Variants in OXCT1 observed in about 807,000 individuals in gnomAD.
The protein encoded by OXCT1 is 3-oxoacid CoA-transferase 1, also known as succinyl-CoA:3-ketoacid coenzyme A transferase 1, mitochondrial.
In OXCT1, 27 loss-of-function variants were observed where a neutral mutation model predicts 69.6. That is an observed-to-expected ratio of 0.39 (90% confidence interval 0.29 to 0.54). The LOEUF (loss-of-function observed/expected upper bound fraction) is 0.54, where lower values mean the gene tolerates loss of function less well. Ranked by LOEUF, OXCT1 falls within the 20% of genes least tolerant of loss-of-function variation. The pLI is 0.72. For synonymous variants in OXCT1, 202 were observed against 217.8 expected, an observed-to-expected ratio of 0.93 and a Z score of 0.64; for missense variants, 437 against 650.2, an observed-to-expected ratio of 0.67 and a Z score of 3.57.
At chr5:41,855,239 G>C (rs1749376581) in intron 3 of OXCT1, among the ~76,000 whole-genome samples, 1 of 152,158 alleles carries the variant, frequency 6.6e-6, no homozygotes, top group South Asian at 2.1e-4. Context: ...CAAAAGTAAG[G>C]CTAACGATTA....
intron 15 of OXCT1, among the ~76,000 whole-genome samples, chr5:41,747,372 C>T (rs547364797): frequency 2.3e-4 from 35 of 152,212 alleles, no homozygotes; most frequent in African/African-American, 7.5e-4. Flanking sequence ...ACTGCTCTTT[C>T]GAGGCTCACC....
Position 41,801,206 on chromosome 5 carries a change from T to C in OXCT1, c.1051-136A>G, listed in dbSNP as rs1045715317. On this transcript the variant is annotated intron_variant, in intron 10 of 16. Transcript: ENST00000196371. ...AGACTTGAGGTAAACTTTTGAAAAA[T>C]AATTCGGTTGTGTCCATGGCTCTGT... The C allele has an allele frequency of 5.6e-6, 4 of 719,910 alleles. No homozygotes were observed. In the African/African-American group the frequency reaches 7.1e-5, roughly 13 times the overall value. 44.6% of individuals were successfully genotyped at this position (719,910 alleles called of 1,614,324 possible).
intron 8 of OXCT1, among the ~76,000 whole-genome samples, chr5:41,807,036 AAGAC>A (rs1746714678): frequency 6.6e-6 from 1 of 152,062 alleles, no homozygotes; most frequent in Non-Finnish European, 1.5e-5. Flanking sequence ...TCTCCCCTCT[AAGAC>A]AGCCAGAAAA....
At chr5:41,750,135 G>GTTTTTTTTTTTTTTTTTTTT (rs11291155) in intron 14 of OXCT1, among the ~76,000 whole-genome samples, 3 of 73,914 alleles carry the variant, frequency 4.1e-5, no homozygotes, top group Non-Finnish European at 5.0e-5. Context: ...GTGTTTTTTG[G>GTTTTTTTTTTTTTTTTTTTT]TTTTTTTTTT....
At chr5:41,773,823 G>A (rs1011426051) in intron 13 of OXCT1, among the ~76,000 whole-genome samples, 2 of 151,996 alleles carry the variant, frequency 1.3e-5, no homozygotes, top group Non-Finnish European at 2.9e-5. Context: ...TTTCAGTAAC[G>A]TTGACCATTC....
intron 9 of OXCT1, among the ~76,000 whole-genome samples, chr5:41,804,625 G>C (rs1320213770): frequency 1.3e-5 from 2 of 152,046 alleles, no homozygotes; most frequent in African/African-American, 4.8e-5. Flanking sequence ...AGAACTGGAA[G>C]AGCAGCAACA....
At chr5:41,830,205 A>C (rs1748028634) in intron 7 of OXCT1, among the ~76,000 whole-genome samples, 1 of 152,238 alleles carries the variant, frequency 6.6e-6, no homozygotes. Flanking sequence ...TGTGTGAATG[A>C]TATCCATCAC....
chr5:41,834,403 C>T (rs1748249937), intron 7 of OXCT1, among the ~76,000 whole-genome samples: 1 of 142,204 alleles, frequency 7.0e-6, no homozygotes, highest in Admixed American at 7.4e-5. Flanking sequence ...CTGTTGTCTA[C>T]AAGAGACATG....
rs549808893 is a variant in OXCT1 at position 41,868,592 on chromosome 5, G to A, written c.78+1689C>T. 1.3e-4 allele frequency among the ~76,000 whole-genome samples: 19 copies of A among 151,594 alleles called. No homozygotes were observed. The East Asian group carries it at 3.1e-3, about 25-fold the overall frequency. ...CAAAAAATTAGCCGGGCGTAGTGGC[G>A]GGCGCCTGTAGTCCCAGCTACTTGG... On this transcript the variant is annotated intron_variant, in intron 1 of 16. Coordinates refer to ENST00000196371, the MANE Select transcript of OXCT1 (RefSeq NM_000436.4).
intron 7 of OXCT1, among the ~76,000 whole-genome samples, chr5:41,827,474 T>C (rs913697391): frequency 6.6e-6 from 1 of 152,342 alleles, no homozygotes; most frequent in South Asian, 2.1e-4. Flanking sequence ...GATGAGATAC[T>C]GTATGTGAAA....
At chr5:41,802,482 A>T (rs1450159541) in intron 10 of OXCT1, among the ~76,000 whole-genome samples, 1 of 152,118 alleles carries the variant, frequency 6.6e-6, no homozygotes, top group Non-Finnish European at 1.5e-5. Flanking sequence ...GAAGAAAAAA[A>T]TTTAACCTTT....
chr5:41,829,623 C>A (rs550296230), intron 7 of OXCT1, among the ~76,000 whole-genome samples: 2 of 152,216 alleles, frequency 1.3e-5, no homozygotes, highest in Non-Finnish European at 2.9e-5. Flanking sequence ...ATTTTTATCA[C>A]CAATAAACTA....
At chr5:41,841,587 A>T (rs1246119350) in intron 6 of OXCT1, among the ~76,000 whole-genome samples, 1 of 152,252 alleles carries the variant, frequency 6.6e-6, no homozygotes, top group African/African-American at 2.4e-5. Context: ...GTCAGTGCCC[A>T]GAATAGCCCT....
At chr5:41,866,033 C>CCA (rs59061343) in intron 1 of OXCT1, among the ~76,000 whole-genome samples, 1 of 142,694 alleles carries the variant, frequency 7.0e-6, no homozygotes, top group African/African-American at 2.7e-5. Flanking sequence ...CCCCCCCCCC[C>CCA]ACCGCTTATC....
chr5:41,782,039 C>T (rs1745428087), intron 13 of OXCT1, among the ~76,000 whole-genome samples: 1 of 151,660 alleles, frequency 6.6e-6, no homozygotes, highest in South Asian at 2.1e-4. Flanking sequence ...CACTGTCTTC[C>T]AAAATGGTTG....
chr5:41,802,423 AT>A (rs1746464733), intron 10 of OXCT1, among the ~76,000 whole-genome samples: 2 of 152,138 alleles, frequency 1.3e-5, no homozygotes, highest in Admixed American at 6.6e-5. Flanking sequence ...TAATGAAAAA[AT>A]ATGGCCTAAC....
intron 3 of OXCT1, 59 bp downstream of exon 3, chr5:41,861,254 GT>G: frequency 4.7e-6 from 5 of 1,055,420 alleles, no homozygotes; most frequent in Non-Finnish European, 7.4e-6. Flanking sequence ...GATAAACTCT[GT>G]TTAAATATTA....
At chr5:41,853,970 T>C (rs952477719) in intron 3 of OXCT1, among the ~76,000 whole-genome samples, 5 of 152,142 alleles carry the variant, frequency 3.3e-5, no homozygotes, top group African/African-American at 4.8e-5. Context: ...AACACATAAA[T>C]GCAGTGACAA....
In OXCT1 at chr5:41,870,001, G is replaced by T. The variant is rs945647505; in HGVS notation, c.78+280C>A. 4.2e-6 allele frequency: 2 copies of T among 477,990 alleles called. No homozygotes were observed. The highest frequency in any genetic ancestry group is 7.7e-6 in the Non-Finnish European group (2 of 259,298). 29.6% of individuals were successfully genotyped at this position (477,990 alleles called of 1,614,324 possible). On this transcript the variant is annotated intron_variant, in intron 1 of 16. Transcript: ENST00000196371. This position sits in a 1 kb window ranked among gnomAD's most constrained non-coding sequence, Gnocchi z 4.2. ...GAGCGCCAAAGGGCTCGGGAGCGCT[G>T]CCAGGAGTCCTCCCGCCCCTTCTCA...
Sources: gnomAD v4.1 joint callset for allele counts (sites outside exome capture counted in the v4.1 genomes callset) on GRCh38, gnomAD v4.1.1 for gene constraint, Gnocchi (gnomAD v3.1) non-coding constraint, MANE v1.5 for transcripts, NCBI Gene and HGNC (gene_info 2026-07-23, HGNC 2026-07-21) for gene names.